EML5: variants seen among roughly 807,000 people sequenced by gnomAD.
The protein encoded by EML5 is echinoderm microtubule-associated protein-like 5.
Under a neutral mutation model 250.0 loss-of-function variants are expected in EML5, and 120 were observed. The ratio of observed to expected loss-of-function variants is 0.48; its 90% CI spans 0.41 to 0.56. EML5 has a LOEUF of 0.56. EML5 is among the 20% of genes least tolerant of loss of function. The pLI is 0.00. For missense variants in EML5, 2,006 were observed against 2,437.6 expected (o/e 0.82, Z 3.73); for synonymous variants, 771 against 806.5 (o/e 0.96, Z 0.75).
rs993523889 is a variant in EML5, at chr14:88,620,226, G to A, written c.5375+528C>T. ...CAATAATCTTATCTACTGATCACAC[G>A]GAAGTACTCCGTAAATGGTAGCCAC... On this transcript the variant is annotated intron_variant, in intron 39 of 43. Transcript: ENST00000554922. This position sits in a 1 kb window ranked among gnomAD's most constrained non-coding sequence, Gnocchi z 4.3. 2.6e-5 allele frequency: 4 copies of A among 152,134 alleles called. No homozygotes were observed. The highest frequency in any genetic ancestry group is 7.2e-5 in the African/African-American group (3 of 41,414). 9.4% of individuals were successfully genotyped at this position (152,134 alleles called of 1,614,324 possible).
chr14:88,712,045 G>C (rs1210224567), intron 10 of EML5, among the ~76,000 whole-genome samples: 1 of 151,904 alleles, frequency 6.6e-6, no homozygotes, highest in Non-Finnish European at 1.5e-5. Context: ...GAGATATAGT[G>C]CATTCATAAC....
rs956445918 is a variant in EML5 at position 88,695,299 on chromosome 14, A to AT, written c.2438+61dup. ...GATTTCAAAATTCTTTTAATTAAAA[A>AT]TTTTTTTAAGTCCAAAGTAATTCTA... On this transcript the variant is annotated intron_variant, in intron 16 of 43. Transcript: ENST00000554922. The AT allele has an allele frequency of 3.5e-5, 48 of 1,375,532 alleles. No homozygotes were observed. In the African/African-American group the frequency reaches 6.6e-4, roughly 19 times the overall value. 85.2% of individuals were successfully genotyped at this position (1,375,532 alleles called of 1,614,324 possible).
intron 7 of EML5, 65 bp downstream of exon 7, chr14:88,736,299 A>G (rs1595721808): frequency 1.9e-6 from 3 of 1,569,268 alleles, no homozygotes; most frequent in East Asian, 4.5e-5. Flanking sequence ...GTGCCTGGCC[A>G]TGTTTTCTTT....
At chr14:88,719,373 G>A (rs918889559) in intron 8 of EML5, among the ~76,000 whole-genome samples, 63 of 152,268 alleles carry the variant, frequency 4.1e-4, no homozygotes, top group African/African-American at 1.4e-3. Context: ...GCAACAGAGC[G>A]AGACCTTGTC....
At chr14:88,716,353 A>G (rs980842530) in intron 8 of EML5, among the ~76,000 whole-genome samples, 5 of 152,120 alleles carry the variant, frequency 3.3e-5, no homozygotes, top group Admixed American at 2.6e-4. Flanking sequence ...GCAACTTGCA[A>G]GGTCCTCTTC....
rs566316818 is a variant in EML5 at position 88,733,162 on chromosome 14, G to A, written c.1049+3202C>T. ...TCCACTGCCACACAAATCTGCAGCA[G>A]ATATTTTTTGGAGCTTAATTTATAG... On this transcript the variant is annotated intron_variant, in intron 7 of 43. Coordinates refer to ENST00000554922, the MANE Select transcript of EML5 (RefSeq NM_183387.3). 3.3e-5 allele frequency among the ~76,000 whole-genome samples: 5 copies of A among 152,346 alleles called. No homozygotes were observed. In the South Asian group the frequency reaches 1.0e-3, roughly 32 times the overall value.
chr14:88,768,220 C>G (rs2094344961), intron 1 of EML5, among the ~76,000 whole-genome samples: 1 of 152,048 alleles, frequency 6.6e-6, no homozygotes, highest in Non-Finnish European at 1.5e-5. Context: ...TTACCTCGAT[C>G]CCTTGGTTAA....
chr14:88,739,504 T>C (rs2093893669), intron 5 of EML5, among the ~76,000 whole-genome samples: 1 of 152,194 alleles, frequency 6.6e-6, no homozygotes, highest in Admixed American at 6.5e-5. Context: ...ATTTAATTCC[T>C]ATACCACATG....
chr14:88,632,924 T>G (rs377459724), intron 33 of EML5, among the ~76,000 whole-genome samples: 3 of 152,218 alleles, frequency 2.0e-5, no homozygotes, highest in African/African-American at 7.2e-5. Context: ...GCAGGTTCTG[T>G]GTAATCCCTG....
At chr14:88,777,421 G>A (rs2094457081) in intron 1 of EML5, among the ~76,000 whole-genome samples, 2 of 152,254 alleles carry the variant, frequency 1.3e-5, no homozygotes, top group Admixed American at 6.5e-5. Flanking sequence ...TGTCCTACAA[G>A]AAATGCTAAA....
At position 88,620,700 on chromosome 14, in the gene EML5, A is replaced by G. The variant is rs2088734532; in HGVS notation, c.5375+54T>C. 17 of 1,390,970 alleles carry G rather than the reference A, an allele frequency of 1.2e-5. No individual in the cohort carries two copies. Among genetic ancestry groups the G allele is most frequent in the Non-Finnish European group, 1.6e-5 (17 of 1,067,876 alleles). 86.2% of individuals were successfully genotyped at this position (1,390,970 alleles called of 1,614,324 possible). A position where few individuals can be genotyped will look rare whatever the true frequency, so the allele number is the denominator to read the frequency against. On this transcript the variant is annotated intron_variant, in intron 39 of 43. Transcript: ENST00000554922. The surrounding 1 kb of genome is among the most constrained non-coding windows in gnomAD (Gnocchi z 4.3). ...AGGCAAGGCTATGGAAAATTTTACA[A>G]ATGGAAGTTAAATCAAGTATATACT...
intron 32 of EML5, among the ~76,000 whole-genome samples, chr14:88,635,309 A>G (rs1034189992): frequency 6.6e-6 from 1 of 152,208 alleles, no homozygotes; most frequent in Non-Finnish European, 1.5e-5. Flanking sequence ...AACAGAATAA[A>G]GTACTTAACT....
intron 1 of EML5, among the ~76,000 whole-genome samples, chr14:88,758,881 C>G (rs900620785): frequency 6.6e-6 from 1 of 152,094 alleles, no homozygotes; most frequent in Non-Finnish European, 1.5e-5. Context: ...GAAAACATTA[C>G]GCTAAGTGAA....
chr14:88,664,162 C>T (rs1211687815), intron 23 of EML5, among the ~76,000 whole-genome samples: 1 of 150,914 alleles, frequency 6.6e-6, no homozygotes, highest in Non-Finnish European at 1.5e-5. Flanking sequence ...CCTGTAGTCC[C>T]AGCACTCAGG....
chr14:88,663,705 A>AT (rs879462079), intron 23 of EML5, among the ~76,000 whole-genome samples: 128 of 143,952 alleles, frequency 8.9e-4, no homozygotes, highest in Middle Eastern at 6.9e-3. Flanking sequence ...AATGTATTTC[A>AT]TTTTTTTTTT....
At chr14:88,758,608 C>G (rs1489563726) in intron 1 of EML5, among the ~76,000 whole-genome samples, 1 of 152,208 alleles carries the variant, frequency 6.6e-6, no homozygotes, top group Non-Finnish European at 1.5e-5. Context: ...CTTTGGAAAA[C>G]CGCTTGGTAG....
At chr14:88,731,731 T>C (rs2093761550) in intron 7 of EML5, among the ~76,000 whole-genome samples, 2 of 152,182 alleles carry the variant, frequency 1.3e-5, no homozygotes, top group South Asian at 2.1e-4. Flanking sequence ...CCAGCACCTG[T>C]TGTTTCCTGA....
intron 41 of EML5, chr14:88,617,539 CAGG>C (rs2087884467): frequency 1.3e-5 from 2 of 152,536 alleles, no homozygotes; most frequent in South Asian, 2.1e-4. Context: ...GAGGCTGAGG[CAGG>C]AGGACTGCTT....
intron 8 of EML5, among the ~76,000 whole-genome samples, chr14:88,723,654 G>C (rs2093623408): frequency 6.6e-6 from 1 of 152,158 alleles, no homozygotes; most frequent in Non-Finnish European, 1.5e-5. Flanking sequence ...TAACTAGCTT[G>C]ATGTAATCAT....
Sources: allele counts gnomAD v4.1 joint callset (sites outside exome capture counted in the v4.1 genomes callset), GRCh38; gene constraint gnomAD v4.1.1; non-coding constraint Gnocchi (gnomAD v3.1); transcripts MANE v1.5; gene names NCBI Gene and HGNC (gene_info 2026-07-23, HGNC 2026-07-21).